KIAA1671: variants seen among roughly 807,000 people sequenced by gnomAD.
The protein encoded by KIAA1671 is KIAA1671, also known as uncharacterized protein KIAA1671.
Under a neutral mutation model 131.2 loss-of-function variants are expected in KIAA1671, and 52 were observed. The observed-to-expected ratio is 0.40, with a 90% CI of 0.32 to 0.50. The LOEUF is 0.50. Ranked by LOEUF, KIAA1671 falls within the 20% of genes least tolerant of loss-of-function variation. The pLI, the probability that KIAA1671 is intolerant of heterozygous loss-of-function variation, is 0.73. For missense variants in KIAA1671, 2,360 were observed against 2,364.2 expected, an observed-to-expected ratio of 1.00 and a Z score of 0.04; for synonymous variants, 1,003 against 961.6, an observed-to-expected ratio of 1.04 and a Z score of -0.80.
At chr22:25,005,759 C>G (rs1265386236) in intron 1 of KIAA1671, among the ~76,000 whole-genome samples, 1 of 152,158 alleles carries the variant, frequency 6.6e-6, no homozygotes, top group Non-Finnish European at 1.5e-5. Context: ...TAAGGTTGGG[C>G]CTGGGGTCAG....
rs1345146068 is a variant in KIAA1671 at position 25,041,005 on chromosome 22, C to G, written c.3875C>G (p.Ser1292Cys). 3 of 1,478,778 alleles carry G rather than the reference C, an allele frequency of 2.0e-6. No individual in the cohort carries two copies. Among genetic ancestry groups the G allele is most frequent in the Non-Finnish European group, 2.7e-6 (3 of 1,113,968 alleles). The allele number at this position is 1,478,778 out of a possible 1,614,324, so 91.6% of individuals were successfully genotyped here. Residue 1292 changes from serine to cysteine, a missense_variant, in exon 5 of 13, where the codon TCT becomes TGT. Coordinates refer to ENST00000358431, the MANE Select transcript of KIAA1671 (RefSeq NM_001145206.2). ...ETLETAMGTK[S>C]SPPFWALPPS... is the part of the protein sequence containing the mutation. ...TTGGAGACAGCCATGGGCACCAAAT[C>G]TAGCCCTCCCTTCTGGGCTCTGCCA...
At chr22:24,974,470 GC>G (rs924525590) in intron 1 of KIAA1671, among the ~76,000 whole-genome samples, 2 of 152,098 alleles carry the variant, frequency 1.3e-5, no homozygotes, top group Non-Finnish European at 2.9e-5. Context: ...TGGTCAGTCG[GC>G]TAGGAGGTGG....
chr22:24,953,368 G>A (rs998098073), intron 1 of KIAA1671, among the ~76,000 whole-genome samples: 1 of 152,064 alleles, frequency 6.6e-6, no homozygotes, highest in Non-Finnish European at 1.5e-5. Context: ...GGCGGCGAGC[G>A]AGACGGAACC....
At chr22:25,180,358 G>A (rs553767755) in intron 9 of KIAA1671, among the ~76,000 whole-genome samples, 81 of 152,338 alleles carry the variant, frequency 5.3e-4, no homozygotes, top group African/African-American at 1.9e-3. Flanking sequence ...GGCCAACATG[G>A]TGAAACCCCG....
chr22:25,019,846 G>A (rs983178930), intron 1 of KIAA1671, among the ~76,000 whole-genome samples: 9 of 152,166 alleles, frequency 5.9e-5, no homozygotes, highest in Admixed American at 5.2e-4. Flanking sequence ...GACTTGTGAT[G>A]TGATGGGATT....
In KIAA1671 at chr22:24,954,733, C is replaced by A. The variant is rs180844465; in HGVS notation, c.-208+1961C>A. Among the ~76,000 whole-genome samples the A allele has an allele frequency of 2.0e-4, 31 of 152,280 alleles. No homozygotes were observed. In the Middle Eastern group the frequency reaches 0.01, roughly 50 times the overall value. ...AGAGGCTGGAAGCTGCCCCTACCCC[C>A]ACTGGAGGTCCTAGGGGCTGCTTTT... is the stretch of plus-strand genomic sequence containing the variant. On this transcript the variant is annotated intron_variant, in intron 1 of 12. Transcript: ENST00000358431.
intron 6 of KIAA1671, chr22:25,060,134 G>C (rs1928081884): frequency 6.6e-6 from 1 of 152,164 alleles, no homozygotes; most frequent in Non-Finnish European, 1.5e-5. Context: ...CAGAATGTTG[G>C]TTGGATCGTC....
chr22:25,091,079 A>G (rs1033221416), intron 6 of KIAA1671, among the ~76,000 whole-genome samples: 10 of 151,724 alleles, frequency 6.6e-5, no homozygotes, highest in African/African-American at 1.9e-4. Flanking sequence ...TTTTTTTGAG[A>G]TGGAGTCTTG....
intron 6 of KIAA1671, chr22:25,058,324 A>G (rs1210021970): frequency 6.6e-6 from 1 of 152,254 alleles, no homozygotes; most frequent in Non-Finnish European, 1.5e-5. Context: ...TGGTATGTTC[A>G]TTACCATCAA....
At chr22:25,005,127 G>A (rs9637320) in intron 1 of KIAA1671, among the ~76,000 whole-genome samples, 19,976 of 150,970 alleles carry the variant, frequency 0.13, 1,487 homozygotes, top group East Asian at 0.29. Flanking sequence ...ACGTGAGCGG[G>A]TTACAAAGTC....
At chr22:24,984,667 A>G (rs1287684164) in intron 1 of KIAA1671, among the ~76,000 whole-genome samples, 1 of 152,100 alleles carries the variant, frequency 6.6e-6, no homozygotes, top group African/African-American at 2.4e-5. Flanking sequence ...AGCAGGTAAA[A>G]CTTTGGGAGG....
chr22:25,186,634 C>G (rs1220950791), intron 11 of KIAA1671, among the ~76,000 whole-genome samples: 1 of 152,184 alleles, frequency 6.6e-6, no homozygotes, highest in Non-Finnish European at 1.5e-5. Context: ...GAAGGAGATA[C>G]TTGAACTGAA....
intron 6 of KIAA1671, among the ~76,000 whole-genome samples, chr22:25,157,328 T>C (rs977277965): frequency 6.6e-6 from 1 of 152,188 alleles, no homozygotes; most frequent in African/African-American, 2.4e-5. Context: ...CTGTGCGTTT[T>C]GGTCTTTACT....
chr22:25,195,613 T>G lies in KIAA1671; in HGVS notation c.*3212T>G, dbSNP rs955294372. 6.6e-6 allele frequency: 1 copy of G among 152,176 alleles called. No individual in the cohort carries two copies. The highest frequency in any genetic ancestry group is 1.5e-5 in the Non-Finnish European group (1 of 68,026). The allele number at this position is 152,176 out of a possible 1,614,324, so 9.4% of individuals were successfully genotyped here. A position where few individuals can be genotyped will look rare whatever the true frequency, so the allele number is the denominator to read the frequency against. ...CAAAAGAGAAATAGGCATGAGCCTG[T>G]GGTTTTAAACTTTACAGGCTGGGCA... is the stretch of plus-strand genomic sequence containing the variant. On this transcript the variant is annotated 3_prime_UTR_variant, in exon 13 of 13. Coordinates refer to ENST00000358431, the MANE Select transcript of KIAA1671 (RefSeq NM_001145206.2).
intron 10 of KIAA1671, among the ~76,000 whole-genome samples, chr22:25,182,941 C>A (rs1934342091): frequency 6.6e-6 from 1 of 152,210 alleles, no homozygotes; most frequent in Admixed American, 6.5e-5. Context: ...AGAATGCCAA[C>A]TGTATTATGC....
At position 25,123,339 on chromosome 22, in the gene KIAA1671, C is replaced by T. The variant is rs547963015; in HGVS notation, c.4531-47481C>T. On this transcript the variant is annotated intron_variant, in intron 6 of 12. Transcript: ENST00000358431. ...GGGACAGTAGCTGGGATTACAGGTACGTGCCAACACACCTGGCTAATTTTT... is the reference window on the plus strand; with the variant it reads ...GGGACAGTAGCTGGGATTACAGGTATGTGCCAACACACCTGGCTAATTTTT... Among the ~76,000 whole-genome samples, 14 of 151,840 alleles carry T rather than the reference C, an allele frequency of 9.2e-5. No individual in the cohort carries two copies. The South Asian group carries it at 1.7e-3, about 18-fold the overall frequency.
At chr22:25,156,830 G>T (rs1345910186) in intron 6 of KIAA1671, among the ~76,000 whole-genome samples, 2 of 152,192 alleles carry the variant, frequency 1.3e-5, no homozygotes, top group Non-Finnish European at 2.9e-5. Flanking sequence ...TGGTGGCAGT[G>T]TTCTGGCAGG....
At chr22:25,030,704 T>C (rs1393154157) in intron 3 of KIAA1671, among the ~76,000 whole-genome samples, 5 of 152,386 alleles carry the variant, frequency 3.3e-5, no homozygotes, top group African/African-American at 9.6e-5. Context: ...ATAATGATAT[T>C]CTAAACTTGG....
intron 6 of KIAA1671, among the ~76,000 whole-genome samples, chr22:25,071,263 A>G (rs1928802735): frequency 1.3e-5 from 2 of 152,176 alleles, no homozygotes; most frequent in Non-Finnish European, 2.9e-5. Context: ...CTTAGGAAAT[A>G]TTATCTTTCC....
Sources: gnomAD v4.1 joint callset for allele counts (sites outside exome capture counted in the v4.1 genomes callset) on GRCh38, gnomAD v4.1.1 for gene constraint, MANE v1.5 for transcripts, NCBI Gene and HGNC (gene_info 2026-07-23, HGNC 2026-07-21) for gene names.